The following NAP1L4 variants were observed in gnomAD, a reference collection of about 807,000 sequenced individuals.
NAP1L4 encodes the protein nucleosome assembly protein 1 like 4.
In NAP1L4, 15 loss-of-function variants were observed where a neutral mutation model predicts 58.2. That is an observed-to-expected ratio of 0.26 (90% confidence interval 0.17 to 0.40). The LOEUF (loss-of-function observed/expected upper bound fraction) is 0.40, where lower values mean the gene tolerates loss of function less well. NAP1L4 is among the 10% of genes least tolerant of loss of function. NAP1L4 has a pLI of 1.00. For synonymous variants in NAP1L4, 171 were observed against 155.6 expected, an observed-to-expected ratio of 1.10 and a Z score of -0.74; for missense variants, 384 against 451.1, an observed-to-expected ratio of 0.85 and a Z score of 1.35.
rs1420173016 is a variant in NAP1L4, at chr11:2,971,508, A to C, written c.342T>G (p.Val114=). The change falls in exon 6 of 16, where the codon GTT becomes GTG. Residue 114 remains valine (V), a synonymous_variant. Coordinates refer to ENST00000380542, the MANE Select transcript of NAP1L4 (RefSeq NM_005969.4). This position sits in a 1 kb window ranked among gnomAD's most constrained non-coding sequence, Gnocchi z 4.2. ...DKRREFITGD[V]EPTDAESEWH... ...ATTCCGATTCCGCATCTGTTGGTTC[A>C]ACATCGCCGGTGATAAATTCTCTTC... The C allele has an allele frequency of 1.2e-5, 20 of 1,613,716 alleles. No homozygotes were observed. Among genetic ancestry groups the C allele is most frequent in the Non-Finnish European group, 1.6e-5 (19 of 1,180,026 alleles).
intron 3 of NAP1L4, among the ~76,000 whole-genome samples, chr11:2,977,959 G>C (rs1244318894): frequency 6.6e-6 from 1 of 151,554 alleles, no homozygotes; most frequent in Non-Finnish European, 1.5e-5. Flanking sequence ...TTGAGCCCAG[G>C]AGTCCAAGAC....
chr11:2,967,319 A>G (rs1054821744), intron 7 of NAP1L4, among the ~76,000 whole-genome samples: 3 of 152,176 alleles, frequency 2.0e-5, no homozygotes, highest in South Asian at 2.1e-4. Context: ...CAGACATTAA[A>G]AAACAACTGT....
At chr11:2,981,382 A>T (rs918545987) in intron 1 of NAP1L4, among the ~76,000 whole-genome samples, 14 of 140,418 alleles carry the variant, frequency 1.0e-4, no homozygotes, top group African/African-American at 3.1e-4. Flanking sequence ...TGCGCCACTG[A>T]ACTCCAGCCT....
chr11:2,986,191 T>G (rs1420314124), intron 1 of NAP1L4, among the ~76,000 whole-genome samples: 1 of 151,952 alleles, frequency 6.6e-6, no homozygotes, highest in Non-Finnish European at 1.5e-5. Flanking sequence ...CTGGCCAACG[T>G]GGTGAAATTC....
At chr11:2,970,172 G>A (rs1194885015) in intron 6 of NAP1L4, among the ~76,000 whole-genome samples, 1 of 152,136 alleles carries the variant, frequency 6.6e-6, no homozygotes. Context: ...CAAAGGCGAA[G>A]AAACTAAAGA....
chr11:2,986,860 C>T (rs1848666483), intron 1 of NAP1L4, among the ~76,000 whole-genome samples: 2 of 151,848 alleles, frequency 1.3e-5, no homozygotes, highest in South Asian at 4.2e-4. Context: ...AACTCCCAAC[C>T]TCAGGTGATC....
chr11:2,974,826 A>G (rs149311032), intron 4 of NAP1L4, among the ~76,000 whole-genome samples: 25 of 152,210 alleles, frequency 1.6e-4, no homozygotes, highest in African/African-American at 5.3e-4. Context: ...AAACCTGAAC[A>G]CTCAGCACAT....
At chr11:2,969,381 A>C (rs74050449) in intron 7 of NAP1L4, among the ~76,000 whole-genome samples, 22 of 147,180 alleles carry the variant, frequency 1.5e-4, no homozygotes, top group African/African-American at 4.3e-4. Flanking sequence ...CACACACACA[A>C]ACAAACACAC....
At chr11:2,972,414 C>T (rs1847690864) in intron 4 of NAP1L4, 171 bp from the exon 5 acceptor site, 2 of 439,200 alleles carry the variant, frequency 4.6e-6, no homozygotes, top group Non-Finnish European at 7.7e-6. Context: ...AAAAAGGATA[C>T]AGGAGGAAGC....
At chr11:2,984,712 T>C (rs1359270216) in intron 1 of NAP1L4, among the ~76,000 whole-genome samples, 1 of 152,208 alleles carries the variant, frequency 6.6e-6, no homozygotes, top group African/African-American at 2.4e-5. Context: ...ATAACCTTCC[T>C]CTGGACCTCA....
chr11:2,979,309 A>G, intron 1 of NAP1L4, 72 bp from the exon 2 acceptor site: 1 of 1,315,952 alleles, frequency 7.6e-7, no homozygotes, highest in South Asian at 1.3e-5. Context: ...TTTTTAAACA[A>G]CGGTTATCTG....
At chr11:2,964,108 T>C (rs1228082542) in intron 8 of NAP1L4, among the ~76,000 whole-genome samples, 1 of 152,204 alleles carries the variant, frequency 6.6e-6, no homozygotes, top group African/African-American at 2.4e-5. Context: ...GGAAAACATT[T>C]TTCAGTCTTA....
In NAP1L4 at chr11:2,946,146, G is replaced by A. The variant is rs923300213; in HGVS notation, c.*33-500C>T. Among the ~76,000 whole-genome samples, 1 of 152,160 alleles carries A rather than the reference G, an allele frequency of 6.6e-6. No homozygotes were observed. The highest frequency in any genetic ancestry group is 1.5e-5 in the Non-Finnish European group (1 of 68,030). ...CACATCTCTCCTCTAGCGGGTTCCTGCTCTTTGTACTACCAGGGAGCGCCC... is the reference window on the plus strand; with the variant it reads ...CACATCTCTCCTCTAGCGGGTTCCTACTCTTTGTACTACCAGGGAGCGCCC... On this transcript the variant is annotated intron_variant, in intron 15 of 15. Coordinates refer to ENST00000380542, the MANE Select transcript of NAP1L4 (RefSeq NM_005969.4). The surrounding 1 kb of genome is among the most constrained non-coding windows in gnomAD (Gnocchi z 4.8).
chr11:2,965,640 C>G (rs546123151), intron 7 of NAP1L4, among the ~76,000 whole-genome samples: 1 of 152,088 alleles, frequency 6.6e-6, no homozygotes, highest in Non-Finnish European at 1.5e-5. Context: ...CTCCGCCTCC[C>G]GGATTCAGCC....
Position 2,955,878 on chromosome 11 carries a change from C to T in NAP1L4, c.893-112G>A, listed in dbSNP as rs1033526272. 8.3e-6 allele frequency: 8 copies of T among 958,200 alleles called. No homozygotes were observed. Among genetic ancestry groups the T allele is most frequent in the East Asian group, 7.7e-5 (3 of 39,056 alleles). 59.4% of individuals were successfully genotyped at this position (958,200 alleles called of 1,614,324 possible). On this transcript the variant is annotated intron_variant, in intron 10 of 15. Coordinates refer to ENST00000380542, the MANE Select transcript of NAP1L4 (RefSeq NM_005969.4). This position sits in a 1 kb window ranked among gnomAD's most constrained non-coding sequence, Gnocchi z 4.2. ...AGATAAAATGTAACATTTCTCACCTCGAGGTTTAACAGAAATCCCCAAAGC... is the reference window on the plus strand; with the variant it reads ...AGATAAAATGTAACATTTCTCACCTTGAGGTTTAACAGAAATCCCCAAAGC...
Position 2,954,559 on chromosome 11 carries a change from A to C in NAP1L4, c.1003T>G (p.Phe335Val). The change falls in exon 12 of 16, where the codon TTC (phenylalanine) becomes GTC (valine). Residue 335 changes from phenylalanine to valine, a missense_variant. Physicochemically the swap from Phe to Val is conservative, Grantham distance 50. Around this residue, in one of 3 missense-constraint regions of NAP1L4, gnomAD observed 296 missense variants for 360.8 expected, o/e 0.82. Transcript: ENST00000380542. This position sits in a 1 kb window ranked among gnomAD's most constrained non-coding sequence, Gnocchi z 4.8. Reference protein sequence around the residue: ...ERIVPRAVLYFTGEAIEDDDN... With the variant: ...ERIVPRAVLYVTGEAIEDDDN... ...TCATCTTCTATGGCCTCCCCAGTGA[A>C]GTACAGCACAGCCCGCGGGACTATC... is the stretch of plus-strand genomic sequence containing the variant. The C allele has an allele frequency of 6.2e-7, 1 of 1,614,214 alleles. No individual in the cohort carries two copies. Among genetic ancestry groups the C allele is most frequent in the Non-Finnish European group, 8.5e-7 (1 of 1,180,044 alleles).
rs1846510074 is a variant in NAP1L4, at chr11:2,955,869, T to G, written c.893-103A>C. 6.6e-6 allele frequency: 7 copies of G among 1,064,740 alleles called. No individual in the cohort carries two copies. The South Asian group carries it at 9.9e-5, about 15-fold the overall frequency. The allele number at this position is 1,064,740 out of a possible 1,614,324, so 66.0% of individuals were successfully genotyped here. A position where few individuals can be genotyped will look rare whatever the true frequency, so the allele number is the denominator to read the frequency against. Reference sequence around the variant, plus strand: ...TGTGCTGGTAGATAAAATGTAACATTTCTCACCTCGAGGTTTAACAGAAAT... The same window carrying G: ...TGTGCTGGTAGATAAAATGTAACATGTCTCACCTCGAGGTTTAACAGAAAT... On this transcript the variant is annotated intron_variant, in intron 10 of 15. Transcript: ENST00000380542. The surrounding 1 kb of genome is among the most constrained non-coding windows in gnomAD (Gnocchi z 4.2).
chr11:2,985,459 A>C (rs1848563650), intron 1 of NAP1L4, among the ~76,000 whole-genome samples: 1 of 152,216 alleles, frequency 6.6e-6, no homozygotes, highest in Non-Finnish European at 1.5e-5. Flanking sequence ...CAGCCCGAAG[A>C]CTCATCCAGA....
chr11:2,951,040 A>G lies in NAP1L4; in HGVS notation c.1122+219T>C. The G allele has an allele frequency of 1.9e-6, 1 of 514,952 alleles. No individual in the cohort carries two copies. 31.9% of individuals were successfully genotyped at this position (514,952 alleles called of 1,614,324 possible). ...GTCTATGTAAATAAGACACAGCTTG[A>G]GACAGCTGGAAAAGCTTCTACTGAG... On this transcript the variant is annotated intron_variant, in intron 14 of 15. Transcript: ENST00000380542. The surrounding 1 kb of genome is among the most constrained non-coding windows in gnomAD (Gnocchi z 4.0).
Sources: gnomAD v4.1 joint callset for allele counts (sites outside exome capture counted in the v4.1 genomes callset) on GRCh38, gnomAD v4.1.1 for gene constraint, gnomAD v4.1.1 regional missense constraint, Gnocchi (gnomAD v3.1) non-coding constraint, MANE v1.5 for transcripts, NCBI Gene and HGNC (gene_info 2026-07-23, HGNC 2026-07-21) for gene names.